The following ESYT2 variants were observed in gnomAD, a reference collection of about 807,000 sequenced individuals.
ESYT2 encodes extended synaptotagmin-2.
A neutral mutation model predicts 107.2 loss-of-function variants in ESYT2; 54 were observed. That is an observed-to-expected ratio of 0.50 (90% CI 0.40 to 0.63). The LOEUF is 0.63. Among genes scored for constraint, ESYT2 ranks in the 30% least tolerant of loss-of-function variants. The pLI, the probability that ESYT2 is intolerant of heterozygous loss-of-function variation, is 0.00. For synonymous variants in ESYT2, 491 were observed against 434.1 expected (o/e 1.13, Z -1.63); for missense variants, 1,020 against 1,094.5 (o/e 0.93, Z 0.96).
At position 158,829,215 on chromosome 7, in the gene ESYT2, C is replaced by A; in HGVS notation, c.204G>T (p.Ala68=). Residue 68 remains alanine (A), a synonymous_variant, in exon 1 of 23, where the codon GCG becomes GCT. Transcript: ENST00000275418. ...LSFSWVLLAL[A]LLAWCRRSRG... ...GGCTGCGGCGACACCAGGCGAGCAG[C>A]GCGAGCGCGAGGAGAACCCAGCTGA... The A allele has an allele frequency of 1.3e-6, 2 of 1,529,216 alleles. No individual in the cohort carries two copies. Among genetic ancestry groups the A allele is most frequent in the South Asian group, 1.2e-5 (1 of 83,882 alleles). The allele number at this position is 1,529,216 out of a possible 1,614,324, so 94.7% of individuals were successfully genotyped here.
Position 158,735,584 on chromosome 7 carries a change from T to C in ESYT2, c.2424A>G (p.Pro808=), listed in dbSNP as rs1404599139. The part of the protein sequence containing the change: ...DQSFDFSVSL[P]EVQRRTLDVA... ...CGTCGAGCGTTCTCCTCTGCACTTC[T>C]GGTAACGAAACACTGAAATCAAAGC... is the stretch of plus-strand genomic sequence containing the variant. Residue 808 remains proline, a synonymous_variant, in exon 21 of 23, where the codon CCA becomes CCG. Coordinates refer to ENST00000275418, the MANE Select transcript of ESYT2 (RefSeq NM_001367773.1). The C allele has an allele frequency of 1.9e-6, 3 of 1,613,834 alleles. No homozygotes were observed. The highest frequency in any genetic ancestry group is 1.1e-5 in the South Asian group (1 of 91,048).
At chr7:158,790,409 C>A (rs966115425) in intron 4 of ESYT2, among the ~76,000 whole-genome samples, 1 of 152,040 alleles carries the variant, frequency 6.6e-6, no homozygotes, top group Admixed American at 6.6e-5. Context: ...TGAGGCCCCA[C>A]GTGGAGCAGG....
chr7:158,782,157 G>C (rs553993169), intron 6 of ESYT2, among the ~76,000 whole-genome samples: 1 of 151,446 alleles, frequency 6.6e-6, no homozygotes, highest in East Asian at 2.2e-4. Flanking sequence ...ACAAGTGTGA[G>C]TGTGAGAACA....
At chr7:158,798,763 G>C (rs1226312136) in intron 2 of ESYT2, among the ~76,000 whole-genome samples, 1 of 151,070 alleles carries the variant, frequency 6.6e-6, no homozygotes, top group Admixed American at 6.6e-5. Context: ...ATAGACTTGA[G>C]CCCTGGCTGT....
At chr7:158,828,774 GCAC>G (rs1840533030) in intron 1 of ESYT2, among the ~76,000 whole-genome samples, 3 of 151,818 alleles carry the variant, frequency 2.0e-5, no homozygotes, top group South Asian at 2.1e-4. Flanking sequence ...GCTGGGGTCT[GCAC>G]TCGCCCTAGC....
chr7:158,792,281 C>G (rs1348477519), intron 4 of ESYT2, among the ~76,000 whole-genome samples: 2 of 150,084 alleles, frequency 1.3e-5, no homozygotes, highest in Admixed American at 6.7e-5. Context: ...CCCAGAGCTT[C>G]GGGAGGCCAA....
chr7:158,776,131 A>G (rs1838553481), intron 6 of ESYT2, among the ~76,000 whole-genome samples: 1 of 152,218 alleles, frequency 6.6e-6, no homozygotes, highest in Non-Finnish European at 1.5e-5. Context: ...TTGGTAAACC[A>G]GTGTGTAAAA....
At chr7:158,797,204 T>C (rs1030129697) in intron 3 of ESYT2, among the ~76,000 whole-genome samples, 1 of 152,188 alleles carries the variant, frequency 6.6e-6, no homozygotes, top group East Asian at 1.9e-4. Context: ...TGGAATGCCG[T>C]AGTGTGATCA....
chr7:158,743,447 C>T, intron 17 of ESYT2, 82 bp downstream of exon 17: 1 of 1,535,780 alleles, frequency 6.5e-7, no homozygotes, highest in Non-Finnish European at 8.7e-7. Flanking sequence ...CTTCACCGGC[C>T]TCATGCCCGG....
intron 4 of ESYT2, among the ~76,000 whole-genome samples, chr7:158,789,264 G>A (rs999595927): frequency 2.0e-5 from 3 of 152,296 alleles, no homozygotes; most frequent in Non-Finnish European, 4.4e-5. Context: ...CTCTCATTGA[G>A]AATTACTCTC....
chr7:158,739,510 C>T (rs1412948716), intron 18 of ESYT2, among the ~76,000 whole-genome samples: 2 of 152,088 alleles, frequency 1.3e-5, no homozygotes, highest in South Asian at 2.1e-4. Context: ...CCACGCCCAG[C>T]TAATTTTTTG....
chr7:158,739,472 G>C (rs1837109417), intron 18 of ESYT2, among the ~76,000 whole-genome samples: 1 of 152,052 alleles, frequency 6.6e-6, no homozygotes, highest in Non-Finnish European at 1.5e-5. Flanking sequence ...TCAGCCTCCT[G>C]AGTAGCTGGG....
At chr7:158,816,928 CA>C (rs779176554) in intron 1 of ESYT2, among the ~76,000 whole-genome samples, 2 of 152,180 alleles carry the variant, frequency 1.3e-5, no homozygotes, top group African/African-American at 2.4e-5. Context: ...ACGGTGTTAA[CA>C]AATTTTAGGT....
chr7:158,813,435 A>G (rs192382518), intron 1 of ESYT2, among the ~76,000 whole-genome samples: 99 of 152,176 alleles, frequency 6.5e-4, no homozygotes, highest in East Asian at 1.9e-4. Context: ...AAACATATCA[A>G]CTCGGGCTCA....
intron 16 of ESYT2, among the ~76,000 whole-genome samples, chr7:158,747,476 G>A (rs1257581731): frequency 3.3e-5 from 5 of 152,016 alleles, no homozygotes; most frequent in South Asian, 4.1e-4. Context: ...TACAAAGACC[G>A]TAAAAAAGCA....
intron 22 of ESYT2, 76 bp from the exon 23 acceptor site, chr7:158,734,328 T>C: frequency 6.2e-7 from 1 of 1,610,972 alleles, no homozygotes; most frequent in Non-Finnish European, 8.5e-7. Flanking sequence ...ACGTGTCGGG[T>C]TCCACCACTG....
At chr7:158,743,720 T>C (rs71547565) in intron 16 of ESYT2, 42 bp from the exon 17 acceptor site, 266,693 of 1,538,092 alleles carry the variant, frequency 0.17, 30,006 homozygotes, top group East Asian at 0.55. Context: ...ACTAGGATCA[T>C]GTCTGCAGAA....
At chr7:158,812,481 G>A (rs146850616) in intron 1 of ESYT2, among the ~76,000 whole-genome samples, 115 of 152,296 alleles carry the variant, frequency 7.6e-4, no homozygotes, top group Non-Finnish European at 1.5e-3. Flanking sequence ...AGGATGTGGA[G>A]GAATTCAACC....
chr7:158,803,845 C>T (rs13222010), intron 1 of ESYT2, among the ~76,000 whole-genome samples: 1,690 of 91,672 alleles, frequency 0.018, 5 homozygotes, highest in East Asian at 0.023. Flanking sequence ...CCCAAACCGT[C>T]GAGAAGGGTG....
Sources: allele counts gnomAD v4.1 joint callset (sites outside exome capture counted in the v4.1 genomes callset), GRCh38; gene constraint gnomAD v4.1.1; transcripts MANE v1.5; gene names NCBI Gene and HGNC (gene_info 2026-07-23, HGNC 2026-07-21).